UBXN7: variants seen among roughly 807,000 people sequenced by gnomAD.
UBXN7 encodes the protein UBX domain protein 7, also known as UBX domain-containing protein 7.
UBXN7 carries 9 observed loss-of-function variants against 58.0 expected under a neutral mutation model. The observed-to-expected ratio is 0.16, with a 90% CI of 0.09 to 0.27. The LOEUF is 0.27. Ranked by LOEUF, UBXN7 falls within the 10% of genes least tolerant of loss-of-function variation. UBXN7 has a pLI of 1.00. For synonymous variants in UBXN7, 208 were observed against 205.0 expected, an observed-to-expected ratio of 1.01 and a Z score of -0.12; for missense variants, 328 against 599.6, an observed-to-expected ratio of 0.55 and a Z score of 4.73.
At chr3:196,419,207 G>A (rs1730598512) in intron 1 of UBXN7, among the ~76,000 whole-genome samples, 1 of 152,232 alleles carries the variant, frequency 6.6e-6, no homozygotes, top group South Asian at 2.1e-4. Flanking sequence ...AACCCAGAAG[G>A]CGTAGGTTGC....
intron 5 of UBXN7, among the ~76,000 whole-genome samples, chr3:196,385,006 G>A (rs1176882241): frequency 2.0e-5 from 3 of 151,986 alleles, no homozygotes; most frequent in Non-Finnish European, 2.9e-5. Context: ...TGAGGAAGTC[G>A]CTCTCCCTCT....
chr3:196,386,380 T>TAAAAAAAAAAAA (rs34268326), intron 5 of UBXN7, among the ~76,000 whole-genome samples: 14 of 57,748 alleles, frequency 2.4e-4, no homozygotes, highest in East Asian at 1.0e-3. Context: ...TAATAAACAC[T>TAAAAAAAAAAAA]AAAAAAAAAA....
At chr3:196,429,570 A>G (rs957101628) in intron 1 of UBXN7, among the ~76,000 whole-genome samples, 1 of 152,186 alleles carries the variant, frequency 6.6e-6, no homozygotes, top group Admixed American at 6.5e-5. Flanking sequence ...TTGAGCTTCC[A>G]AGTAAAACCT....
intron 1 of UBXN7, among the ~76,000 whole-genome samples, chr3:196,415,602 C>T (rs1730457818): frequency 6.7e-6 from 1 of 149,988 alleles, no homozygotes; most frequent in East Asian, 2.0e-4. Flanking sequence ...GGTGAAATCC[C>T]GTCTCTACTA....
Position 196,409,985 on chromosome 3 carries a change from G to C in UBXN7, c.74-2592C>G, listed in dbSNP as rs983991634. ...GACGGAGTTTCACTCTCATCACCCA[G>C]GCTGGAGTGTAATGGTGCGATCTTG... On this transcript the variant is annotated intron_variant, in intron 1 of 10. Coordinates refer to ENST00000296328, the MANE Select transcript of UBXN7 (RefSeq NM_015562.2). Among the ~76,000 whole-genome samples, 12 of 149,758 alleles carry C rather than the reference G, an allele frequency of 8.0e-5. 1 individual carries two copies. Among genetic ancestry groups the C allele is most frequent in the Admixed American group, 8.0e-4 (12 of 14,976 alleles).
chr3:196,413,310 C>A (rs1206760130), intron 1 of UBXN7, among the ~76,000 whole-genome samples: 1 of 151,980 alleles, frequency 6.6e-6, no homozygotes, highest in East Asian at 1.9e-4. Flanking sequence ...TGCACTTCAG[C>A]CTGGGCAACA....
chr3:196,408,089 C>G (rs892988111), intron 1 of UBXN7, among the ~76,000 whole-genome samples: 3 of 121,048 alleles, frequency 2.5e-5, no homozygotes, highest in African/African-American at 9.5e-5. Flanking sequence ...CAGAGCGAGA[C>G]TCTGTCTCAA....
intron 8 of UBXN7, among the ~76,000 whole-genome samples, chr3:196,366,492 G>T (rs1441732535): frequency 6.6e-6 from 1 of 151,296 alleles, no homozygotes; most frequent in Non-Finnish European, 1.5e-5. Flanking sequence ...TCTCAAGGCT[G>T]CAAAGACTAC....
At chr3:196,368,966 GTGCCCGCCACCA>G (rs1346657121) in intron 7 of UBXN7, among the ~76,000 whole-genome samples, 3 of 152,048 alleles carry the variant, frequency 2.0e-5, no homozygotes, top group Non-Finnish European at 4.4e-5. Context: ...GGGACTACAG[GTGCCCGCCACCA>G]TGCCCGGCTA....
chr3:196,427,116 T>C (rs1213059039), intron 1 of UBXN7, among the ~76,000 whole-genome samples: 1 of 152,174 alleles, frequency 6.6e-6, no homozygotes, highest in Non-Finnish European at 1.5e-5. Flanking sequence ...TAGCTTATTT[T>C]TCACCTGTTC....
rs549507120 is a variant in UBXN7 at position 196,417,104 on chromosome 3, G to C, written c.74-9711C>G. ...CGAGGCGGGCGGATCACAAGGTCAG[G>C]AGATCGAGACCATCCTGGCTAACAC... On this transcript the variant is annotated intron_variant, in intron 1 of 10. Transcript: ENST00000296328. 1.4e-4 allele frequency among the ~76,000 whole-genome samples: 21 copies of C among 152,194 alleles called. No individual in the cohort carries two copies. The East Asian group carries it at 4.1e-3, about 30-fold the overall frequency.
chr3:196,401,298 T>TATATACAC (rs1269101481), intron 3 of UBXN7, among the ~76,000 whole-genome samples: 26 of 61,680 alleles, frequency 4.2e-4, no homozygotes, highest in African/African-American at 1.9e-3. Context: ...TATATATATA[T>TATATACAC]ACACACACAC....
chr3:196,420,250 G>A (rs1730637364), intron 1 of UBXN7, among the ~76,000 whole-genome samples: 1 of 151,928 alleles, frequency 6.6e-6, no homozygotes, highest in African/African-American at 2.4e-5. Context: ...GGGCTTTTTG[G>A]GACTGGGTGC....
intron 3 of UBXN7, among the ~76,000 whole-genome samples, chr3:196,396,013 G>C (rs928430856): frequency 6.6e-5 from 10 of 152,008 alleles, no homozygotes; most frequent in African/African-American, 9.7e-5. Context: ...TGATCCACCC[G>C]CCTCGGCTAC....
Position 196,386,469 on chromosome 3 carries a change from A to G in UBXN7, c.468+5344T>C, listed in dbSNP as rs575511559. On this transcript the variant is annotated intron_variant, in intron 5 of 10. Transcript: ENST00000296328. Reference sequence around the variant, plus strand: ...CATGATTGTATATTTAGAAAACCCCATCGTCTCAGCCCAAAACCTCCTTAA... The same window carrying G: ...CATGATTGTATATTTAGAAAACCCCGTCGTCTCAGCCCAAAACCTCCTTAA... Among the ~76,000 whole-genome samples the G allele has an allele frequency of 5.9e-5, 9 of 151,738 alleles. No individual in the cohort carries two copies. The South Asian group carries it at 1.0e-3, about 18-fold the overall frequency.
intron 1 of UBXN7, among the ~76,000 whole-genome samples, chr3:196,426,160 G>A (rs566048151): frequency 4.1e-4 from 63 of 152,070 alleles, no homozygotes; most frequent in Non-Finnish European, 8.1e-4. Context: ...GAGGTGGGTG[G>A]ATCACCTGAG....
intron 5 of UBXN7, among the ~76,000 whole-genome samples, chr3:196,385,143 C>T (rs1729334961): frequency 6.6e-6 from 1 of 152,206 alleles, no homozygotes; most frequent in Admixed American, 6.5e-5. Context: ...CCTGGGATTG[C>T]AGGCGCGCGC....
rs1439510139 is a variant in UBXN7 at position 196,356,528 on chromosome 3, A to C, written c.*157T>G. 2 of 725,668 alleles carry C rather than the reference A, an allele frequency of 2.8e-6. No individual in the cohort carries two copies. Among genetic ancestry groups the C allele is most frequent in the African/African-American group, 3.7e-5 (2 of 54,012 alleles). The allele number at this position is 725,668 out of a possible 1,614,324, so 45.0% of individuals were successfully genotyped here. On this transcript the variant is annotated 3_prime_UTR_variant, in exon 11 of 11. Coordinates refer to ENST00000296328, the MANE Select transcript of UBXN7 (RefSeq NM_015562.2). ...GAAAGAAACAAAGGGGGAGAAAGAG[A>C]CTGATTATAGGAGAGATCAAGAAAT... is the stretch of plus-strand genomic sequence containing the variant.
At chr3:196,411,330 A>G (rs1187424219) in intron 1 of UBXN7, among the ~76,000 whole-genome samples, 3 of 152,264 alleles carry the variant, frequency 2.0e-5, no homozygotes, top group Non-Finnish European at 4.4e-5. Flanking sequence ...GAGAGGGAGT[A>G]GGCCTTAGTC....
Sources: gnomAD v4.1 joint callset for allele counts (sites outside exome capture counted in the v4.1 genomes callset) on GRCh38, gnomAD v4.1.1 for gene constraint, MANE v1.5 for transcripts, NCBI Gene and HGNC (gene_info 2026-07-23, HGNC 2026-07-21) for gene names.